MYO10: variants seen among roughly 807,000 people sequenced by gnomAD.
MYO10 encodes unconventional myosin-X.
A neutral mutation model predicts 257.3 loss-of-function variants in MYO10; 133 were observed. That is an observed-to-expected ratio of 0.52 (90% confidence interval 0.45 to 0.60). The LOEUF (loss-of-function observed/expected upper bound fraction) is 0.60. Among genes scored for constraint, MYO10 ranks in the 20% least tolerant of loss-of-function variants. The pLI, the probability that MYO10 is intolerant of heterozygous loss-of-function variation, is 0.00. For synonymous variants in MYO10, 1,104 were observed against 1,028.6 expected, an observed-to-expected ratio of 1.07 and a Z score of -1.40; for missense variants, 2,399 against 2,635.7, an observed-to-expected ratio of 0.91 and a Z score of 1.97.
intron 19 of MYO10, among the ~76,000 whole-genome samples, chr5:16,712,288 A>G (rs941659480): frequency 6.6e-6 from 1 of 152,256 alleles, no homozygotes; most frequent in Non-Finnish European, 1.5e-5. Context: ...AGAGGAAATC[A>G]GAACCAAGAC....
Position 16,665,287 on chromosome 5 carries a change from G to GAAAC in MYO10, c.*1401_*1404dup, listed in dbSNP as rs1736108967. ...GTTTTTAGAGCCTCCTCTGATAAAG[G>GAAAC]AAACACACAGCGTGTTAGCTAGTAT... On this transcript the variant is annotated 3_prime_UTR_variant, in exon 41 of 41. Transcript: ENST00000513610. 6.6e-6 allele frequency: 1 copy of GAAAC among 151,812 alleles called. No individual in the cohort carries two copies. Among genetic ancestry groups the GAAAC allele is most frequent in the Non-Finnish European group, 1.5e-5 (1 of 67,992 alleles). The allele number at this position is 151,812 out of a possible 1,614,324, so 9.4% of individuals were successfully genotyped here. A position where few individuals can be genotyped will look rare whatever the true frequency, so the allele number is the denominator to read the frequency against.
At chr5:16,737,094 TA>T (rs139988110) in intron 19 of MYO10, among the ~76,000 whole-genome samples, 1 of 152,158 alleles carries the variant, frequency 6.6e-6, no homozygotes, top group Non-Finnish European at 1.5e-5. Context: ...AGTTCTTTCT[TA>T]AAAAAATCAC....
At chr5:16,768,895 C>T (rs959083481) in intron 10 of MYO10, among the ~76,000 whole-genome samples, 179 bp downstream of exon 10, 1 of 151,838 alleles carries the variant, frequency 6.6e-6, no homozygotes, top group Non-Finnish European at 1.5e-5. Context: ...AGGCTGGTCT[C>T]GAACTCCTGG....
chr5:16,780,310 C>CA (rs200589107), intron 8 of MYO10, among the ~76,000 whole-genome samples: 3,126 of 70,442 alleles, frequency 0.044, 112 homozygotes, highest in African/African-American at 0.1. Context: ...TACCAAGACT[C>CA]AAAAAAAAAA....
intron 9 of MYO10, among the ~76,000 whole-genome samples, chr5:16,777,480 A>G (rs1162932698): frequency 1.3e-5 from 2 of 152,234 alleles, no homozygotes; most frequent in East Asian, 1.9e-4. Flanking sequence ...CAAATAATCT[A>G]TGACAATGAA....
intron 2 of MYO10, among the ~76,000 whole-genome samples, chr5:16,870,755 G>A (rs1053769447): frequency 1.4e-4 from 22 of 152,108 alleles, no homozygotes; most frequent in Non-Finnish European, 3.1e-4. Context: ...AGCCGGGCAT[G>A]GTGGCATGCG....
rs750132205 is a variant in MYO10, at chr5:16,762,540, C to A, written c.1587+5G>T. The A allele has an allele frequency of 1.3e-6, 2 of 1,597,628 alleles. No homozygotes were observed. Among genetic ancestry groups the A allele is most frequent in the Non-Finnish European group, 1.7e-6 (2 of 1,170,590 alleles). On this transcript the variant is annotated splice_donor_5th_base_variant and intron_variant, in intron 15 of 40. Transcript: ENST00000513610. ...TGTGATGAAGAATTGCAGGTTTTGACATACCGCATGCTGACTGTGTAGCTT... is the reference window on the plus strand; with the variant it reads ...TGTGATGAAGAATTGCAGGTTTTGAAATACCGCATGCTGACTGTGTAGCTT...
chr5:16,734,392 T>A (rs1226449645), intron 19 of MYO10, among the ~76,000 whole-genome samples: 1 of 152,216 alleles, frequency 6.6e-6, no homozygotes, highest in East Asian at 1.9e-4. Context: ...TACCTGGCAA[T>A]GTGCTGCTGA....
intron 3 of MYO10, among the ~76,000 whole-genome samples, chr5:16,809,557 C>G (rs1440660102): frequency 6.6e-6 from 1 of 152,258 alleles, no homozygotes. Context: ...AGGCCTTTCT[C>G]TGGCTGATGC....
intron 19 of MYO10, among the ~76,000 whole-genome samples, chr5:16,732,722 G>A (rs1203880221): frequency 6.6e-6 from 1 of 152,134 alleles, no homozygotes; most frequent in Non-Finnish European, 1.5e-5. Flanking sequence ...GAGATGAGGA[G>A]GGAAATAAGA....
At chr5:16,804,149 G>GCCTCATCA (rs373889548) in intron 3 of MYO10, among the ~76,000 whole-genome samples, 11 of 151,946 alleles carry the variant, frequency 7.2e-5, no homozygotes, top group Admixed American at 2.0e-4. Flanking sequence ...GGCTCTGTCA[G>GCCTCATCA]CCTCATCACC....
At chr5:16,747,937 A>AAAAAAAAAAAAG (rs1740253799) in intron 19 of MYO10, among the ~76,000 whole-genome samples, 1 of 122,998 alleles carries the variant, frequency 8.1e-6, no homozygotes, top group Non-Finnish European at 1.5e-5. Flanking sequence ...AAAAAAAAAA[A>AAAAAAAAAAAAG]AAAAAAAAAG....
chr5:16,685,557 A>G (rs1737211786), intron 29 of MYO10, among the ~76,000 whole-genome samples, 181 bp downstream of exon 29: 1 of 152,028 alleles, frequency 6.6e-6, no homozygotes, highest in Non-Finnish European at 1.5e-5. Context: ...CACTTATTAT[A>G]TTTATTATTG....
At chr5:16,776,261 T>C (rs1309106248) in intron 9 of MYO10, among the ~76,000 whole-genome samples, 2 of 152,032 alleles carry the variant, frequency 1.3e-5, no homozygotes, top group African/African-American at 4.8e-5. Context: ...TAGAAAGGAA[T>C]ATATTTTCCT....
intron 2 of MYO10, among the ~76,000 whole-genome samples, chr5:16,875,355 G>A (rs182785799): frequency 6.6e-6 from 1 of 152,308 alleles, no homozygotes; most frequent in Non-Finnish European, 1.5e-5. Flanking sequence ...ACAGAAAAAT[G>A]TGGCCAGTCC....
chr5:16,813,580 A>C (rs1742508209), intron 3 of MYO10, among the ~76,000 whole-genome samples: 1 of 151,642 alleles, frequency 6.6e-6, no homozygotes, highest in South Asian at 2.1e-4. Flanking sequence ...ACAACAACAA[A>C]AAAAGGAGGA....
intron 19 of MYO10, among the ~76,000 whole-genome samples, chr5:16,720,485 G>A (rs765704445): frequency 9.9e-5 from 15 of 151,162 alleles, no homozygotes; most frequent in East Asian, 7.8e-4. Flanking sequence ...ACGGAGTCTC[G>A]CTCTGCCGCC....
chr5:16,774,340 G>C (rs1351437187), intron 9 of MYO10, among the ~76,000 whole-genome samples: 1 of 152,160 alleles, frequency 6.6e-6, no homozygotes, highest in Non-Finnish European at 1.5e-5. Context: ...AAGGGTGACA[G>C]GGGAGGCTAT....
chr5:16,895,798 ACACACT>A (rs1745201147), intron 1 of MYO10, among the ~76,000 whole-genome samples: 1 of 140,656 alleles, frequency 7.1e-6, no homozygotes, highest in African/African-American at 2.7e-5. Flanking sequence ...ACACACACAC[ACACACT>A]CTGCCACCTG....
Sources: gnomAD v4.1 joint callset for allele counts (sites outside exome capture counted in the v4.1 genomes callset) on GRCh38, gnomAD v4.1.1 for gene constraint, MANE v1.5 for transcripts, NCBI Gene and HGNC (gene_info 2026-07-23, HGNC 2026-07-21) for gene names.